CA6: variants seen among roughly 807,000 people sequenced by gnomAD.
The protein encoded by CA6 is carbonic anhydrase 6, also known as carbonate dehydratase VI.
Under a neutral mutation model 35.9 loss-of-function variants are expected in CA6, and 28 were observed. The ratio of observed to expected loss-of-function variants is 0.78; its 90% CI spans 0.58 to 1.07. The LOEUF is 1.07. CA6 is among the 50% of genes least tolerant of loss of function. The probability of loss-of-function intolerance (pLI) is 0.00; values close to 1 mark genes in which losing one functional copy is unlikely to be tolerated. For synonymous variants in CA6, 148 were observed against 152.6 expected (o/e 0.97, Z 0.22); for missense variants, 377 against 382.0 (o/e 0.99, Z 0.11).
intron 2 of CA6, among the ~76,000 whole-genome samples, chr1:8,954,143 G>A (rs1639612895): frequency 6.6e-6 from 1 of 151,702 alleles, no homozygotes; most frequent in African/African-American, 2.4e-5. Context: ...CTCTGCCTGT[G>A]GAGCAGCCAT....
In CA6 at chr1:8,967,742, C is replaced by G. The variant is rs1357420442; in HGVS notation, c.655C>G (p.Leu219Val). 1.9e-6 allele frequency: 3 copies of G among 1,613,948 alleles called. No homozygotes were observed. Among genetic ancestry groups the G allele is most frequent in the East Asian group, 2.2e-5 (1 of 44,896 alleles). The change falls in exon 6 of 8, where the codon CTC (leucine) becomes GTC (valine). Residue 219 changes from leucine (L) to valine (V), a missense_variant. Transcript: ENST00000377443. Reference sequence around the variant, plus strand: ...GCACTACTACACCTACCATGGCTCACTCACCACGCCTCCCTGCACTGAGAA... The same window carrying G: ...GCACTACTACACCTACCATGGCTCAGTCACCACGCCTCCCTGCACTGAGAA... ...LQHYYTYHGS[L>V]TTPPCTENVH...
chr1:8,973,688 A>C (rs1640165126), intron 7 of CA6, among the ~76,000 whole-genome samples: 1 of 142,342 alleles, frequency 7.0e-6, no homozygotes, highest in African/African-American at 2.7e-5. Context: ...ACCTTCCCTC[A>C]GGCCTGGATT....
At chr1:8,972,363 T>C (rs565155968) in intron 7 of CA6, among the ~76,000 whole-genome samples, 27 of 152,262 alleles carry the variant, frequency 1.8e-4, no homozygotes, top group African/African-American at 5.8e-4. Context: ...ATCCCATCTT[T>C]ATATGTACCT....
At chr1:8,967,955 T>C (rs753531849) in intron 6 of CA6, 139 bp downstream of exon 6, 3 of 545,494 alleles carry the variant, frequency 5.5e-6, no homozygotes, top group Non-Finnish European at 9.1e-6. Context: ...GTGCCTCGTC[T>C]AGCCAACCTT....
intron 7 of CA6, 24 bp downstream of exon 7, chr1:8,971,005 A>G: frequency 6.9e-7 from 1 of 1,459,720 alleles, no homozygotes; most frequent in Middle Eastern, 1.7e-4. Flanking sequence ...ACTCTTGATC[A>G]TGCTCTGCAG....
chr1:8,948,907 T>C (rs527778291), intron 1 of CA6, among the ~76,000 whole-genome samples: 1 of 151,254 alleles, frequency 6.6e-6, no homozygotes, highest in South Asian at 2.1e-4. Flanking sequence ...GAGGCAGAGG[T>C]TGCAGTGAGC....
At chr1:8,959,315 CTTTT>C (rs869139632) in intron 4 of CA6, among the ~76,000 whole-genome samples, 3 of 137,136 alleles carry the variant, frequency 2.2e-5, no homozygotes, top group Non-Finnish European at 1.6e-5. Context: ...TCTGCATTTC[CTTTT>C]TTTTTTTTTT....
chr1:8,971,932 G>A (rs1285078563), intron 7 of CA6, among the ~76,000 whole-genome samples: 2 of 152,228 alleles, frequency 1.3e-5, no homozygotes, highest in East Asian at 3.8e-4. Flanking sequence ...TTTCTGTAAA[G>A]TTGTGGTGAA....
At chr1:8,953,188 C>T (rs139343891) in intron 2 of CA6, among the ~76,000 whole-genome samples, 165 of 152,328 alleles carry the variant, frequency 1.1e-3, no homozygotes, top group African/African-American at 3.4e-3. Context: ...AAGTTTCCTC[C>T]ATGTCTTTTC....
chr1:8,952,946 C>A (rs1462228249), intron 2 of CA6, among the ~76,000 whole-genome samples: 1 of 152,204 alleles, frequency 6.6e-6, no homozygotes. Context: ...CATGAGCCAC[C>A]ATGCCCAGTC....
intron 7 of CA6, among the ~76,000 whole-genome samples, chr1:8,972,047 C>T (rs1282603758): frequency 2.0e-5 from 3 of 151,992 alleles, no homozygotes; most frequent in Admixed American, 6.6e-5. Flanking sequence ...AATATTATCC[C>T]ACTTTTTTTT....
intron 7 of CA6, among the ~76,000 whole-genome samples, chr1:8,973,315 G>A (rs956562147): frequency 2.6e-5 from 4 of 152,072 alleles, no homozygotes; most frequent in Admixed American, 2.0e-4. Flanking sequence ...CACTGTGCCC[G>A]GCCTGTCTCC....
chr1:8,957,048 T>G, intron 2 of CA6, 89 bp from the exon 3 acceptor site: 3 of 1,193,564 alleles, frequency 2.5e-6, no homozygotes. Context: ...CTCAGACAGG[T>G]GGGAGGTGAG....
chr1:8,950,536 G>C (rs1336849805), intron 2 of CA6, among the ~76,000 whole-genome samples: 5 of 151,886 alleles, frequency 3.3e-5, no homozygotes, highest in Non-Finnish European at 5.9e-5. Flanking sequence ...TCCTGCTTGG[G>C]TTGAGATACA....
At chr1:8,954,655 T>C (rs1639627519) in intron 2 of CA6, among the ~76,000 whole-genome samples, 1 of 152,224 alleles carries the variant, frequency 6.6e-6, no homozygotes, top group Admixed American at 6.5e-5. Flanking sequence ...GAACATGGAA[T>C]ATTTCTCCAC....
In CA6 at chr1:8,971,439, G is replaced by A. The variant is rs567685908; in HGVS notation, c.844+458G>A. ...CAATTCTCCTGCCTCAACCTCCCCA[G>A]TAGCTGGGACTACAGGCACCTACCA... On this transcript the variant is annotated intron_variant, in intron 7 of 7. Transcript: ENST00000377443. Among the ~76,000 whole-genome samples the A allele has an allele frequency of 6.6e-5, 10 of 150,814 alleles. No individual in the cohort carries two copies. In the East Asian group the frequency reaches 1.2e-3, roughly 18 times the overall value.
At chr1:8,965,982 C>T (rs1401121238) in intron 5 of CA6, among the ~76,000 whole-genome samples, 2 of 151,994 alleles carry the variant, frequency 1.3e-5, no homozygotes, top group Non-Finnish European at 2.9e-5. Context: ...GTGGCTTCTA[C>T]CTTTTGGCTA....
intron 7 of CA6, 129 bp downstream of exon 7, chr1:8,971,110 G>C: frequency 2.9e-6 from 2 of 690,606 alleles, no homozygotes; most frequent in Non-Finnish European, 5.2e-6. Context: ...GGCTCAGGTG[G>C]GCCAAGCTGC....
Position 8,956,622 on chromosome 1 carries a change from A to C in CA6, c.260-515A>C, listed in dbSNP as rs140093016. Among the ~76,000 whole-genome samples the C allele has an allele frequency of 2.1e-3, 320 of 151,906 alleles. 1 individual carries two copies. The highest frequency in any genetic ancestry group is 7.5e-3 in the African/African-American group (311 of 41,432). On this transcript the variant is annotated intron_variant, in intron 2 of 7. Transcript: ENST00000377443. ...CTGCAGTGAGTTGCTGCAGCAAGTC[A>C]TCGTGGTGCCACTGCACTCCAGCCT...
Sources: gnomAD v4.1 joint callset for allele counts (sites outside exome capture counted in the v4.1 genomes callset) on GRCh38, gnomAD v4.1.1 for gene constraint, MANE v1.5 for transcripts, NCBI Gene and HGNC (gene_info 2026-07-23, HGNC 2026-07-21) for gene names.